Variants in ERICH6 observed in about 807,000 individuals in gnomAD.
ERICH6 encodes glutamate rich 6.
A neutral mutation model predicts 71.0 loss-of-function variants in ERICH6; 71 were observed. The observed-to-expected ratio is 1.00, with a 90% CI of 0.83 to 1.22. ERICH6 has a LOEUF of 1.22. Among genes scored for constraint, ERICH6 ranks in the 50% most tolerant of loss-of-function variants. ERICH6 has a pLI of 0.00. For synonymous variants in ERICH6, 262 were observed against 278.4 expected, an observed-to-expected ratio of 0.94 and a Z score of 0.59; for missense variants, 808 against 797.2, an observed-to-expected ratio of 1.01 and a Z score of -0.16.
At chr3:150,697,912 C>G (rs1446743957) in intron 3 of ERICH6, among the ~76,000 whole-genome samples, 1 of 152,216 alleles carries the variant, frequency 6.6e-6, no homozygotes, top group Non-Finnish European at 1.5e-5. Flanking sequence ...TCCACTGCAG[C>G]CACACTGGCC....
chr3:150,697,500 C>T (rs1382110492), intron 3 of ERICH6, among the ~76,000 whole-genome samples: 3 of 152,100 alleles, frequency 2.0e-5, no homozygotes, highest in South Asian at 4.2e-4. Context: ...GAAGCTGGTC[C>T]TATCCACATC....
At chr3:150,681,937 C>T (rs1354648906) in intron 7 of ERICH6, among the ~76,000 whole-genome samples, 2 of 151,138 alleles carry the variant, frequency 1.3e-5, no homozygotes, top group Non-Finnish European at 2.9e-5. Context: ...GCCACAGCCT[C>T]CCAAGTAGCT....
rs368912784 is a variant in ERICH6, at chr3:150,660,170, G to A, written c.1729-15C>T. The A allele has an allele frequency of 7.5e-6, 12 of 1,605,842 alleles. No homozygotes were observed. The African/African-American group carries it at 1.6e-4, about 22-fold the overall frequency. ...GGGTTTGGTAGCTTTTCAGCAAAGA[G>A]AAAGAGAAGGAAACTCAGAGTCCAG... On this transcript the variant is annotated splice_polypyrimidine_tract_variant and intron_variant, in intron 13 of 13. Transcript: ENST00000295910.
intron 3 of ERICH6, among the ~76,000 whole-genome samples, chr3:150,695,278 G>A (rs1034183792): frequency 6.6e-6 from 1 of 152,128 alleles, no homozygotes; most frequent in Non-Finnish European, 1.5e-5. Context: ...GTACGGCAAG[G>A]GGGTCAGATA....
intron 1 of ERICH6, among the ~76,000 whole-genome samples, chr3:150,702,549 C>A (rs1199980486): frequency 6.6e-6 from 1 of 152,060 alleles, no homozygotes; most frequent in African/African-American, 2.4e-5. Flanking sequence ...GTGCTGGGAT[C>A]ACAGGCGTGA....
chr3:150,703,267 T>G (rs991328098), intron 1 of ERICH6, among the ~76,000 whole-genome samples: 5 of 151,618 alleles, frequency 3.3e-5, no homozygotes, highest in African/African-American at 1.2e-4. Flanking sequence ...CAAGTTCAAC[T>G]TTTATGGTGT....
rs904437681 is a variant in ERICH6 at position 150,702,088 on chromosome 3, C to A, written c.461+33G>T. 4.2e-6 allele frequency: 6 copies of A among 1,416,508 alleles called. No individual in the cohort carries two copies. In the South Asian group the frequency reaches 6.1e-5, roughly 14 times the overall value. 87.7% of individuals were successfully genotyped at this position (1,416,508 alleles called of 1,614,324 possible). A position where few individuals can be genotyped will look rare whatever the true frequency, so the allele number is the denominator to read the frequency against. On this transcript the variant is annotated intron_variant, in intron 2 of 13. Coordinates refer to ENST00000295910, the MANE Select transcript of ERICH6 (RefSeq NM_152394.5). ...TCCAAAAGGTAAACATTATTGGGTT[C>A]AAAAAATGTGAAATTTGAAAACATT...
chr3:150,698,983 A>T (rs1283670528), intron 2 of ERICH6, 101 bp from the exon 3 acceptor site: 76 of 725,080 alleles, frequency 1.0e-4, no homozygotes, highest in Non-Finnish European at 1.2e-5. Context: ...GCACGTAGAA[A>T]ATATTTTGTT....
chr3:150,677,733 G>A (rs1376702016), intron 10 of ERICH6, among the ~76,000 whole-genome samples: 2 of 152,114 alleles, frequency 1.3e-5, no homozygotes, highest in Non-Finnish European at 2.9e-5. Context: ...CTGGATTCCA[G>A]CAATCCGCCT....
chr3:150,697,691 C>T (rs1712703207), intron 3 of ERICH6, among the ~76,000 whole-genome samples: 1 of 152,184 alleles, frequency 6.6e-6, no homozygotes, highest in African/African-American at 2.4e-5. Context: ...TTCCTCATGT[C>T]CCCAACTTAA....
At chr3:150,684,193 C>A (rs115175190) in intron 6 of ERICH6, among the ~76,000 whole-genome samples, 3 of 152,080 alleles carry the variant, frequency 2.0e-5, no homozygotes, top group Admixed American at 6.5e-5. Flanking sequence ...TCAGCCCACC[C>A]TGGGCAATAT....
rs909326140 is a variant in ERICH6, at chr3:150,672,260, T to TATAC, written c.1343+1692_1343+1695dup. Reference sequence around the variant, plus strand: ...TGAATAAACAAAGAATCCATTTATATATACATATATATATATATGCTCATA... The same window carrying TATAC: ...TGAATAAACAAAGAATCCATTTATATATACATACATATATATATATATGCTCATA... On this transcript the variant is annotated intron_variant, in intron 11 of 13. Coordinates refer to ENST00000295910, the MANE Select transcript of ERICH6 (RefSeq NM_152394.5). Among the ~76,000 whole-genome samples, 21 of 143,008 alleles carry TATAC rather than the reference T, an allele frequency of 1.5e-4. 1 individual carries two copies. Among genetic ancestry groups the TATAC allele is most frequent in the African/African-American group, 4.4e-4 (16 of 36,532 alleles). 93.8% of individuals were successfully genotyped at this position (143,008 alleles called of 152,430 possible). A position where few individuals can be genotyped will look rare whatever the true frequency, so the allele number is the denominator to read the frequency against.
In ERICH6 at chr3:150,703,514, T is replaced by C. The variant is rs375116331; in HGVS notation, c.385A>G (p.Ser129Gly). The change falls in exon 1 of 14, where the codon AGC becomes GGC. Residue 129 changes from serine (S) to glycine (G), a missense_variant. By Grantham distance (56) the Ser-to-Gly change is moderately conservative. Around this residue, in one of 3 missense-constraint regions of ERICH6, gnomAD observed 736 missense variants for 712.2 expected, o/e 1.03. Coordinates refer to ENST00000295910, the MANE Select transcript of ERICH6 (RefSeq NM_152394.5). ...TETPSASPPS[S>G]TSSHKSFPKI... ...GCGGTACTTTTATGCGAGGAGGTGC[T>C]GGAGGGTGGGCTTGCGCTCGGCGTT... The C allele has an allele frequency of 4.9e-5, 78 of 1,606,006 alleles. No individual in the cohort carries two copies. Among genetic ancestry groups the C allele is most frequent in the Non-Finnish European group, 6.1e-5 (72 of 1,176,552 alleles).
chr3:150,684,537 T>A (rs1712099005), intron 6 of ERICH6, among the ~76,000 whole-genome samples: 1 of 152,148 alleles, frequency 6.6e-6, no homozygotes, highest in Non-Finnish European at 1.5e-5. Flanking sequence ...GAAGAAGTCA[T>A]CAAGGGTTCT....
intron 6 of ERICH6, 24 bp downstream of exon 6, chr3:150,685,718 A>C (rs1230891064): frequency 6.5e-7 from 1 of 1,541,838 alleles, no homozygotes. Context: ...AAGAGTAATA[A>C]TAAGAAACAT....
chr3:150,671,799 T>G (rs1297900088), intron 11 of ERICH6, among the ~76,000 whole-genome samples: 1 of 152,144 alleles, frequency 6.6e-6, no homozygotes, highest in African/African-American at 2.4e-5. Flanking sequence ...GGCTAATTTT[T>G]TGTATTTTGT....
intron 13 of ERICH6, among the ~76,000 whole-genome samples, chr3:150,663,552 C>A (rs571835544): frequency 6.6e-6 from 1 of 152,130 alleles, no homozygotes; most frequent in African/African-American, 2.4e-5. Flanking sequence ...CCCCCTGCCC[C>A]CACCCCGCCA....
At chr3:150,697,669 T>C (rs1712702573) in intron 3 of ERICH6, among the ~76,000 whole-genome samples, 1 of 152,226 alleles carries the variant, frequency 6.6e-6, no homozygotes. Flanking sequence ...CTGGATGCTT[T>C]TCCTTAGTTT....
intron 7 of ERICH6, among the ~76,000 whole-genome samples, chr3:150,681,264 G>A (rs778823090): frequency 3.9e-5 from 6 of 152,098 alleles, no homozygotes; most frequent in South Asian, 2.1e-4. Context: ...TGCCTGTTCC[G>A]TACAGTTTAT....
Sources: allele counts gnomAD v4.1 joint callset (sites outside exome capture counted in the v4.1 genomes callset), GRCh38; gene constraint gnomAD v4.1.1; regional missense constraint gnomAD v4.1.1; transcripts MANE v1.5; gene names NCBI Gene and HGNC (gene_info 2026-07-23, HGNC 2026-07-21).